The following MCF2L2 variants were observed in gnomAD, a reference collection of about 807,000 sequenced individuals.
MCF2L2 encodes the protein probable guanine nucleotide exchange factor MCF2L2.
A neutral mutation model predicts 150.2 loss-of-function variants in MCF2L2; 102 were observed. The ratio of observed to expected loss-of-function variants is 0.68; its 90% CI spans 0.58 to 0.80. The LOEUF (loss-of-function observed/expected upper bound fraction) is 0.80, where lower values mean the gene tolerates loss of function less well. Ranked by LOEUF, MCF2L2 falls within the 30% of genes least tolerant of loss-of-function variation. The pLI is 0.00. For missense variants in MCF2L2, 1,256 were observed against 1,372.8 expected (o/e 0.91, Z 1.34); for synonymous variants, 465 against 491.3 (o/e 0.95, Z 0.71).
chr3:183,282,588 G>C (rs1284376093), intron 14 of MCF2L2, among the ~76,000 whole-genome samples: 1 of 152,160 alleles, frequency 6.6e-6, no homozygotes, highest in African/African-American at 2.4e-5. Flanking sequence ...CCCGAACCAA[G>C]AAAATGTAAA....
chr3:183,228,168 G>A, intron 18 of MCF2L2, 129 bp downstream of exon 18: 1 of 666,484 alleles, frequency 1.5e-6, no homozygotes, highest in Non-Finnish European at 2.7e-6. Flanking sequence ...TTATACTTCA[G>A]TAAAGCTTGG....
Position 183,179,984 on chromosome 3 carries a change from G to T in MCF2L2, c.3105+87C>A. On this transcript the variant is annotated intron_variant, in intron 28 of 29. Coordinates refer to ENST00000328913, the MANE Select transcript of MCF2L2 (RefSeq NM_015078.4). This position sits in a 1 kb window ranked among gnomAD's most constrained non-coding sequence, Gnocchi z 4.2. The stretch of plus-strand genomic sequence containing the variant: ...GGTGAGAATCCTGAGGAGGGGGAGA[G>T]GGATGGAGGCTAGGGACAGGAGGCA... 1.8e-6 allele frequency: 2 copies of T among 1,081,342 alleles called. No individual in the cohort carries two copies. Among genetic ancestry groups the T allele is most frequent in the Non-Finnish European group, 2.8e-6 (2 of 708,162 alleles). 67.0% of individuals were successfully genotyped at this position (1,081,342 alleles called of 1,614,324 possible).
At chr3:183,325,636 A>T (rs1258931250) in intron 5 of MCF2L2, among the ~76,000 whole-genome samples, 1 of 152,220 alleles carries the variant, frequency 6.6e-6, no homozygotes, top group African/African-American at 2.4e-5. Context: ...TTGCTATGGT[A>T]ATAATCGACA....
intron 10 of MCF2L2, among the ~76,000 whole-genome samples, chr3:183,301,279 C>G (rs932564336): frequency 3.9e-5 from 6 of 152,146 alleles, no homozygotes; most frequent in African/African-American, 1.4e-4. Flanking sequence ...CAGGCAAAAA[C>G]CCCCACCTCA....
At chr3:183,343,498 G>A (rs1019698037) in intron 3 of MCF2L2, among the ~76,000 whole-genome samples, 3 of 151,708 alleles carry the variant, frequency 2.0e-5, no homozygotes, top group Admixed American at 6.6e-5. Flanking sequence ...AGCCTCCTGA[G>A]TAGCTGGGAT....
In MCF2L2 at chr3:183,311,754, C is replaced by T. The variant is rs1434618040; in HGVS notation, c.772G>A (p.Gly258Arg). ...GACAGCAATGTGGTCCCCTGCTTTC[C>T]AAGTAATTTCAGCTCATCCTAGAAA... ...DKLQDELKLLGKQGTTLLSCI... is the reference protein window; with the variant it reads ...DKLQDELKLLRKQGTTLLSCI... The change falls in exon 8 of 30, where the codon GGA becomes AGA. Residue 258 changes from glycine to arginine, a missense_variant. Transcript: ENST00000328913. The T allele has an allele frequency of 6.2e-7, 1 of 1,613,664 alleles. No homozygotes were observed.
rs560517964 is a variant in MCF2L2 at position 183,189,689 on chromosome 3, A to C, written c.3016+3310T>G. ...TCAAGGGACAGTACCTGAGGGAGAC[A>C]CTTCCACTAGGGAACACAGCAAGAA... On this transcript the variant is annotated intron_variant, in intron 27 of 29. Transcript: ENST00000328913. Among the ~76,000 whole-genome samples, 3 of 152,352 alleles carry C rather than the reference A, an allele frequency of 2.0e-5. No individual in the cohort carries two copies. The East Asian group carries it at 5.8e-4, about 29-fold the overall frequency.
intron 2 of MCF2L2, among the ~76,000 whole-genome samples, chr3:183,387,457 G>C (rs1713896365): frequency 6.6e-6 from 1 of 152,046 alleles, no homozygotes; most frequent in Non-Finnish European, 1.5e-5. Flanking sequence ...TGACTCAATG[G>C]TGGCATTGTA....
intron 10 of MCF2L2, among the ~76,000 whole-genome samples, chr3:183,307,568 T>C (rs527923092): frequency 6.6e-6 from 1 of 152,288 alleles, no homozygotes; most frequent in East Asian, 1.9e-4. Flanking sequence ...GAAAGGTGGG[T>C]CATGGGTTCA....
chr3:183,270,805 C>T lies in MCF2L2; in HGVS notation c.1862+6067G>A, dbSNP rs756915839. 3.1e-6 allele frequency: 5 copies of T among 1,613,976 alleles called. No individual in the cohort carries two copies. The South Asian group carries it at 5.5e-5, about 18-fold the overall frequency. ...GATCTCCAGGACCTTTGGAAGAATG[C>T]TACAGATCCTAAAGTAAAAACCATT... On this transcript the variant is annotated intron_variant, in intron 15 of 29. Coordinates refer to ENST00000328913, the MANE Select transcript of MCF2L2 (RefSeq NM_015078.4). The surrounding 1 kb of genome is among the most constrained non-coding windows in gnomAD (Gnocchi z 4.5).
intron 3 of MCF2L2, 96 bp downstream of exon 3, chr3:183,379,201 T>G: frequency 1.2e-6 from 1 of 815,240 alleles, no homozygotes; most frequent in Non-Finnish European, 1.9e-6. Flanking sequence ...GGGTACACCA[T>G]GCTCATGGAA....
intron 21 of MCF2L2, among the ~76,000 whole-genome samples, chr3:183,216,334 T>C (rs1394008960): frequency 6.7e-6 from 1 of 150,124 alleles, no homozygotes; most frequent in Admixed American, 6.7e-5. Context: ...CGAATGAAGT[T>C]CATAAATCAT....
At chr3:183,338,556 G>A (rs1484314422) in intron 5 of MCF2L2, among the ~76,000 whole-genome samples, 1 of 151,810 alleles carries the variant, frequency 6.6e-6, no homozygotes, top group Non-Finnish European at 1.5e-5. Flanking sequence ...TCTAGTCCTT[G>A]TTTCTTACTC....
chr3:183,364,569 T>A (rs1302723362), intron 3 of MCF2L2, among the ~76,000 whole-genome samples: 1 of 151,706 alleles, frequency 6.6e-6, no homozygotes, highest in African/African-American at 2.4e-5. Flanking sequence ...AGGTAGAGAA[T>A]GGAAAAACCA....
chr3:183,393,592 T>C (rs923435757), intron 1 of MCF2L2, among the ~76,000 whole-genome samples: 18 of 152,240 alleles, frequency 1.2e-4, no homozygotes, highest in African/African-American at 3.9e-4. Context: ...AGGGAAAAAC[T>C]TGTCTCTTTT....
chr3:183,217,321 A>AC (rs1722982623), intron 21 of MCF2L2, among the ~76,000 whole-genome samples: 1 of 148,422 alleles, frequency 6.7e-6, no homozygotes, highest in Admixed American at 6.7e-5. Context: ...AAAAAAAAAA[A>AC]AGTAGCTGGG....
chr3:183,289,992 G>T (rs1728031267), intron 13 of MCF2L2, among the ~76,000 whole-genome samples: 2 of 152,168 alleles, frequency 1.3e-5, no homozygotes, highest in Non-Finnish European at 2.9e-5. Context: ...ACTTGATGTT[G>T]TTCTTGGATT....
At chr3:183,354,062 G>A (rs1423009947) in intron 3 of MCF2L2, among the ~76,000 whole-genome samples, 2 of 152,014 alleles carry the variant, frequency 1.3e-5, no homozygotes, top group Admixed American at 1.3e-4. Context: ...CAGAAAGCGG[G>A]GTCAGACTTG....
intron 15 of MCF2L2, among the ~76,000 whole-genome samples, chr3:183,255,258 C>A (rs1218640452): frequency 6.6e-6 from 1 of 152,140 alleles, no homozygotes; most frequent in Non-Finnish European, 1.5e-5. Context: ...ATGATTCCAC[C>A]CTGAACTTTC....
Sources: allele counts gnomAD v4.1 joint callset (sites outside exome capture counted in the v4.1 genomes callset), GRCh38; gene constraint gnomAD v4.1.1; non-coding constraint Gnocchi (gnomAD v3.1); transcripts MANE v1.5; gene names NCBI Gene and HGNC (gene_info 2026-07-23, HGNC 2026-07-21).